The following SEMA3A variants were observed in gnomAD, a reference collection of about 807,000 sequenced individuals.
The protein encoded by SEMA3A is semaphorin-3A.
In SEMA3A, 29 loss-of-function variants were observed where a neutral mutation model predicts 97.9. That is an observed-to-expected ratio of 0.30 (90% CI 0.22 to 0.40). The LOEUF (loss-of-function observed/expected upper bound fraction) is 0.40, where lower values mean the gene tolerates loss of function less well. Among genes scored for constraint, SEMA3A ranks in the 10% least tolerant of loss-of-function variants. SEMA3A has a pLI of 1.00. For synonymous variants in SEMA3A, 321 were observed against 323.7 expected (o/e 0.99, Z 0.09); for missense variants, 763 against 951.3 (o/e 0.80, Z 2.60).
intron 12 of SEMA3A, among the ~76,000 whole-genome samples, chr7:83,997,628 T>C (rs1307135097): frequency 6.6e-6 from 1 of 152,186 alleles, no homozygotes; most frequent in Non-Finnish European, 1.5e-5. Flanking sequence ...CAAAGGAATA[T>C]TGTTCACTCA....
rs1562770115 is a variant in SEMA3A, at chr7:84,086,517, T to TAC, written c.453+23952_453+23953insGT. On this transcript the variant is annotated intron_variant, in intron 4 of 16. Coordinates refer to ENST00000265362, the MANE Select transcript of SEMA3A (RefSeq NM_006080.3). The stretch of plus-strand genomic sequence containing the variant: ...ATATAATATATTATTATATTATATT[T>TAC]ATATATAATATATTATTATATTATA... 2.4e-3 allele frequency among the ~76,000 whole-genome samples: 127 copies of TAC among 52,334 alleles called. 12 individuals carry two copies. Among genetic ancestry groups the TAC allele is most frequent in the East Asian group, 2.7e-3 (4 of 1,468 alleles). 34.3% of individuals were successfully genotyped at this position (52,334 alleles called of 152,430 possible).
intron 1 of SEMA3A, among the ~76,000 whole-genome samples, chr7:84,406,978 G>A (rs909547828): frequency 6.6e-6 from 1 of 152,016 alleles, no homozygotes; most frequent in Non-Finnish European, 1.5e-5. Context: ...GCATTCCCTT[G>A]GAAAACTGGC....
intron 1 of SEMA3A, among the ~76,000 whole-genome samples, chr7:84,448,141 C>T (rs1490241732): frequency 6.6e-6 from 1 of 152,150 alleles, no homozygotes; most frequent in African/African-American, 2.4e-5. Flanking sequence ...GTACTGTGAG[C>T]CGTGCACAGC....
chr7:84,047,447 T>C (rs1792400184), intron 5 of SEMA3A, among the ~76,000 whole-genome samples: 2 of 152,032 alleles, frequency 1.3e-5, no homozygotes, highest in South Asian at 4.1e-4. Context: ...GCTCAGCTAA[T>C]GGCAACTCAA....
chr7:84,461,619 T>C (rs1805842397), intron 1 of SEMA3A, among the ~76,000 whole-genome samples: 1 of 152,150 alleles, frequency 6.6e-6, no homozygotes, highest in South Asian at 2.1e-4. Flanking sequence ...CCCACCTTCC[T>C]TTAAATTATG....
intron 3 of SEMA3A, among the ~76,000 whole-genome samples, chr7:84,285,470 A>G (rs1189504509): frequency 1.3e-5 from 2 of 151,996 alleles, no homozygotes; most frequent in Non-Finnish European, 2.9e-5. Context: ...TCTATTTAAT[A>G]GAAAACTTAT....
chr7:84,103,386 G>T (rs1198123687), intron 4 of SEMA3A, among the ~76,000 whole-genome samples: 3 of 151,886 alleles, frequency 2.0e-5, no homozygotes, highest in African/African-American at 7.3e-5. Context: ...GCAAATGAGG[G>T]TACTAAAATT....
At chr7:84,459,799 G>A (rs1424782965) in intron 1 of SEMA3A, among the ~76,000 whole-genome samples, 4 of 152,146 alleles carry the variant, frequency 2.6e-5, no homozygotes, top group Non-Finnish European at 5.9e-5. Flanking sequence ...AGGCCAAAGC[G>A]GGTGGGTGAC....
rs145552464 is a variant in SEMA3A, at chr7:84,234,109, G to A, written c.-82-39441C>T. On this transcript the variant is annotated intron_variant, in intron 3 of 3. Transcript: ENST00000424555. ...AACCTGCATAAAAAGTAAATACATT[G>A]TTTTACAGGGGATGGGGGGTGTTAG... 1.3e-4 allele frequency among the ~76,000 whole-genome samples: 20 copies of A among 152,054 alleles called. No homozygotes were observed. In the East Asian group the frequency reaches 3.5e-3, roughly 26 times the overall value.
intron 5 of SEMA3A, among the ~76,000 whole-genome samples, chr7:84,048,819 G>C (rs192793201): frequency 4.6e-5 from 7 of 151,860 alleles, no homozygotes; most frequent in Non-Finnish European, 1.0e-4. Flanking sequence ...GCTTTCTTTA[G>C]GGTAAGAAAA....
chr7:84,089,746 T>C (rs1794504806), intron 4 of SEMA3A, among the ~76,000 whole-genome samples: 1 of 152,046 alleles, frequency 6.6e-6, no homozygotes, highest in African/African-American at 2.4e-5. Context: ...ATTTGGTAAA[T>C]ATATGTATAC....
chr7:84,286,004 A>G (rs1800578632), intron 3 of SEMA3A, among the ~76,000 whole-genome samples: 1 of 151,878 alleles, frequency 6.6e-6, no homozygotes, highest in Admixed American at 6.6e-5. Flanking sequence ...AGAAGAAAGA[A>G]ATAAGAGATA....
intron 3 of SEMA3A, among the ~76,000 whole-genome samples, chr7:84,235,056 A>G (rs1799202189): frequency 6.6e-6 from 1 of 152,112 alleles, no homozygotes; most frequent in Non-Finnish European, 1.5e-5. Context: ...CTGAAGGGGC[A>G]TTAGGTAATA....
intron 6 of SEMA3A, among the ~76,000 whole-genome samples, chr7:84,039,387 A>G (rs1381145072): frequency 6.6e-6 from 1 of 152,142 alleles, no homozygotes. Flanking sequence ...CTTATTTCAT[A>G]TATCGTAGGG....
intron 1 of SEMA3A, among the ~76,000 whole-genome samples, chr7:84,386,882 C>T (rs982063453): frequency 5.9e-5 from 9 of 152,052 alleles, no homozygotes; most frequent in Non-Finnish European, 4.4e-5. Context: ...TGCCTGTAAT[C>T]CCAGCTACTA....
exon 2 of SEMA3A, chr7:84,371,849 A>G (rs1802985480): frequency 6.6e-6 from 1 of 152,052 alleles, no homozygotes; most frequent in Admixed American, 6.6e-5. Context: ...TTCTTGATGA[A>G]TAATTCCCTT....
chr7:84,233,758 A>G (rs1424725840), intron 3 of SEMA3A, among the ~76,000 whole-genome samples: 1 of 151,986 alleles, frequency 6.6e-6, no homozygotes, highest in Non-Finnish European at 1.5e-5. Flanking sequence ...TCAAAAGAAA[A>G]AATACTTTGA....
chr7:84,274,269 TTGG>T (rs2115715298), intron 3 of SEMA3A, among the ~76,000 whole-genome samples: 1 of 152,220 alleles, frequency 6.6e-6, no homozygotes, highest in Non-Finnish European at 1.5e-5. Flanking sequence ...CTAACTTGAC[TTGG>T]TGAAGTTGCT....
chr7:84,089,781 C>A (rs1012560497), intron 4 of SEMA3A, among the ~76,000 whole-genome samples: 1 of 151,580 alleles, frequency 6.6e-6, no homozygotes, highest in East Asian at 1.9e-4. Flanking sequence ...TAGACATGTA[C>A]TGTGTATCAC....
Sources: allele counts gnomAD v4.1 joint callset (sites outside exome capture counted in the v4.1 genomes callset), GRCh38; gene constraint gnomAD v4.1.1; transcripts MANE v1.5; gene names NCBI Gene and HGNC (gene_info 2026-07-23, HGNC 2026-07-21).